The following ATP6V1B1 variants were observed in gnomAD, a reference collection of about 807,000 sequenced individuals.
ATP6V1B1 encodes the protein ATPase H+ transporting V1 subunit B1, also known as V-type proton ATPase subunit B, kidney isoform.
In ATP6V1B1, 41 loss-of-function variants were observed where a neutral mutation model predicts 62.1. The observed-to-expected ratio is 0.66, with a 90% confidence interval of 0.51 to 0.86. The LOEUF is 0.86. Ranked by LOEUF, ATP6V1B1 falls within the 40% of genes least tolerant of loss-of-function variation. The probability of loss-of-function intolerance (pLI) is 0.00; values close to 1 mark genes in which losing one functional copy is unlikely to be tolerated. For synonymous variants in ATP6V1B1, 253 were observed against 273.4 expected, an observed-to-expected ratio of 0.93 and a Z score of 0.74; for missense variants, 651 against 697.5, an observed-to-expected ratio of 0.93 and a Z score of 0.75.
At chr2:70,962,435 T>G (rs945311624) in intron 8 of ATP6V1B1, among the ~76,000 whole-genome samples, 1 of 152,144 alleles carries the variant, frequency 6.6e-6, no homozygotes, top group East Asian at 1.9e-4. Context: ...TACAGTGTGA[T>G]ATGCCAGAGT....
At chr2:70,964,022 G>A (rs182275595) in intron 11 of ATP6V1B1, 35 of 431,328 alleles carry the variant, frequency 8.1e-5, no homozygotes, top group African/African-American at 5.5e-4. Context: ...ATTTGCTTCG[G>A]TGGGCAGAAA....
intron 2 of ATP6V1B1, among the ~76,000 whole-genome samples, chr2:70,953,950 C>T (rs1680376166): frequency 6.6e-6 from 1 of 152,088 alleles, no homozygotes; most frequent in Non-Finnish European, 1.5e-5. Flanking sequence ...GTTCATAGTT[C>T]ATCTTTTTAA....
At position 70,963,155 on chromosome 2, in the gene ATP6V1B1, A is replaced by G; in HGVS notation, c.910-7A>G. ...CTTTCTTACCCCAGTGCCCATGGAT[A>G]TTGCAGGTCTCTGCTGCTAGAGAGG... is the stretch of plus-strand genomic sequence containing the variant. On this transcript the variant is annotated splice_polypyrimidine_tract_variant and splice_region_variant and intron_variant, in intron 9 of 13. Coordinates refer to ENST00000234396, the MANE Select transcript of ATP6V1B1 (RefSeq NM_001692.4). The surrounding 1 kb of genome is among the most constrained non-coding windows in gnomAD (Gnocchi z 4.3). The G allele has an allele frequency of 6.2e-7, 1 of 1,613,842 alleles. No homozygotes were observed. The highest frequency in any genetic ancestry group is 8.5e-7 in the Non-Finnish European group (1 of 1,179,988).
rs782078912 is a variant in ATP6V1B1 at position 70,943,674 on chromosome 2, C to T, written c.135C>T (p.Cys45=). The change falls in exon 2 of 14, where the codon TGC becomes TGT. Residue 45 remains cysteine, a synonymous_variant. Coordinates refer to ENST00000234396, the MANE Select transcript of ATP6V1B1 (RefSeq NM_001692.4). ...CTCCCCCAGCCTACAGGACTGTGTG[C>T]AGCGTGAACGGGCCCCTGGTGGTGC... is the stretch of plus-strand genomic sequence containing the variant. ...THPRVTYRTV[C]SVNGPLVVLD... The T allele has an allele frequency of 6.2e-7, 1 of 1,613,772 alleles. No individual in the cohort carries two copies.
chr2:70,938,506 C>G, intron 1 of ATP6V1B1: 1 of 976,544 alleles, frequency 1.0e-6, no homozygotes, highest in Non-Finnish European at 1.2e-6. Context: ...GGAGGTGAGT[C>G]CAGGTGACTT....
At chr2:70,947,007 G>C (rs559392817) in intron 2 of ATP6V1B1, among the ~76,000 whole-genome samples, 1 of 152,262 alleles carries the variant, frequency 6.6e-6, no homozygotes, top group African/African-American at 2.4e-5. Flanking sequence ...TTTGGCAAAT[G>C]CTACAATTCT....
chr2:70,944,059 C>G (rs1043684724), intron 2 of ATP6V1B1: 59 of 1,307,314 alleles, frequency 4.5e-5, no homozygotes, highest in Non-Finnish European at 5.6e-5. Context: ...GACCACAGCA[C>G]GGCTGTACCT....
In ATP6V1B1 at chr2:70,940,848, C is replaced by T. The variant is rs558725750; in HGVS notation, c.119-2810C>T. 3.6e-5 allele frequency: 35 copies of T among 984,834 alleles called. No individual in the cohort carries two copies. In the African/African-American group the frequency reaches 5.6e-4, roughly 16 times the overall value. The allele number at this position is 984,834 out of a possible 1,614,324, so 61.0% of individuals were successfully genotyped here. A position where few individuals can be genotyped will look rare whatever the true frequency, so the allele number is the denominator to read the frequency against. ...AGAAGGAGCAGATGGGGTCAGTTAACACCTTTCATAATCCATCCACAAAGA... is the reference window on the plus strand; with the variant it reads ...AGAAGGAGCAGATGGGGTCAGTTAATACCTTTCATAATCCATCCACAAAGA... On this transcript the variant is annotated intron_variant, in intron 1 of 13. Transcript: ENST00000234396.
intron 11 of ATP6V1B1, 36 bp from the exon 12 acceptor site, chr2:70,964,402 C>T (rs374153030): frequency 6.2e-7 from 1 of 1,604,604 alleles, no homozygotes; most frequent in African/African-American, 1.3e-5. Context: ...AAGCTTGAGT[C>T]CTGCTGTCCA....
rs185606441 is a variant in ATP6V1B1, at chr2:70,961,658, C to G, written c.750C>G (p.Asn250Lys). 7 of 1,614,218 alleles carry G rather than the reference C, an allele frequency of 4.3e-6. No individual in the cohort carries two copies. The highest frequency in any genetic ancestry group is 5.9e-6 in the Non-Finnish European group (7 of 1,180,036). The change falls in exon 8 of 14, where the codon AAC becomes AAG. Residue 250 changes from asparagine to lysine, a missense_variant. Transcript: ENST00000234396. ...SDFEQNGTMG[N>K]VCLFLNLAND... The stretch of plus-strand genomic sequence containing the variant: ...TTGAGCAGAATGGAACCATGGGGAA[C>G]GTCTGCCTCTTCCTGAACTTGGCCA...
At chr2:70,964,078 T>C (rs17006586) in intron 11 of ATP6V1B1, 18,680 of 371,392 alleles carry the variant, frequency 0.05, 1,483 homozygotes, top group African/African-American at 0.22. Flanking sequence ...AGGTTAAAGG[T>C]GACCTCTATG....
chr2:70,939,294 G>C (rs372292234), intron 1 of ATP6V1B1: 71 of 152,598 alleles, frequency 4.7e-4, no homozygotes, highest in African/African-American at 1.6e-3. Flanking sequence ...ACAATGGAGA[G>C]GGGGTGGGCC....
chr2:70,936,797 G>A (rs1172627168), intron 1 of ATP6V1B1, among the ~76,000 whole-genome samples: 1 of 152,196 alleles, frequency 6.6e-6, no homozygotes, highest in Non-Finnish European at 1.5e-5. Flanking sequence ...AGTATGGTGA[G>A]TGTGTGTACA....
At chr2:70,944,644 G>C (rs1429023221) in intron 2 of ATP6V1B1, among the ~76,000 whole-genome samples, 3 of 150,800 alleles carry the variant, frequency 2.0e-5, no homozygotes, top group African/African-American at 7.3e-5. Flanking sequence ...GGGCTCTCCA[G>C]TGCCCTCAGC....
At chr2:70,946,015 C>T (rs907248462) in intron 2 of ATP6V1B1, among the ~76,000 whole-genome samples, 4 of 151,920 alleles carry the variant, frequency 2.6e-5, no homozygotes, top group Non-Finnish European at 5.9e-5. Flanking sequence ...CCACACACAC[C>T]GTGCCCTGCT....
chr2:70,964,126 TTTTTTTTTTTG>T (rs1368060823), intron 11 of ATP6V1B1: 8 of 306,960 alleles, frequency 2.6e-5, no homozygotes, highest in African/African-American at 1.8e-4. Flanking sequence ...TTTTTTTTTT[TTTTTTTTTTTG>T]CAGCTATTAA....
chr2:70,937,721 T>C (rs1328821510), intron 1 of ATP6V1B1, among the ~76,000 whole-genome samples: 1 of 151,956 alleles, frequency 6.6e-6, no homozygotes, highest in African/African-American at 2.4e-5. Context: ...TGCACCTTCA[T>C]GCTCTGCTTT....
chr2:70,943,836 C>T, intron 2 of ATP6V1B1, 123 bp downstream of exon 2: 2 of 1,386,690 alleles, frequency 1.4e-6, no homozygotes, highest in South Asian at 1.2e-5. Context: ...GCTCTGTTCT[C>T]TCCATCCAGG....
In ATP6V1B1 at chr2:70,960,905, A is replaced by G. The variant is rs1553419934; in HGVS notation, c.586-16A>G. On this transcript the variant is annotated splice_polypyrimidine_tract_variant and intron_variant, in intron 6 of 13. Transcript: ENST00000234396. ...TCCGACTCTGACGTCCTCCTGCCCA[A>G]TCCACTCTGCCCTAGATTGCCGCTC... 5 of 1,594,530 alleles carry G rather than the reference A, an allele frequency of 3.1e-6. No individual in the cohort carries two copies. The highest frequency in any genetic ancestry group is 4.3e-6 in the Non-Finnish European group (5 of 1,169,626).
Sources: gnomAD v4.1 joint callset for allele counts (sites outside exome capture counted in the v4.1 genomes callset) on GRCh38, gnomAD v4.1.1 for gene constraint, Gnocchi (gnomAD v3.1) non-coding constraint, MANE v1.5 for transcripts, NCBI Gene and HGNC (gene_info 2026-07-23, HGNC 2026-07-21) for gene names.